Variants in RFX3 observed in about 807,000 individuals in gnomAD.
RFX3 encodes the protein regulatory factor X3.
A neutral mutation model predicts 98.6 loss-of-function variants in RFX3; 14 were observed. The ratio of observed to expected loss-of-function variants is 0.14; its 90% CI spans 0.09 to 0.22. The LOEUF is 0.22. RFX3 is among the 10% of genes least tolerant of loss of function. The pLI, the probability that RFX3 is intolerant of heterozygous loss-of-function variation, is 1.00. For synonymous variants in RFX3, 383 were observed against 328.4 expected (o/e 1.17, Z -1.80); for missense variants, 639 against 926.9 (o/e 0.69, Z 4.03).
chr9:3,491,462 G>C (rs1375589920), intron 1 of RFX3, among the ~76,000 whole-genome samples: 2 of 151,946 alleles, frequency 1.3e-5, no homozygotes, highest in African/African-American at 4.8e-5. Context: ...TAACAATTTT[G>C]AGCAACATGA....
intron 1 of RFX3, among the ~76,000 whole-genome samples, chr9:3,511,759 C>A (rs1817683273): frequency 6.6e-6 from 1 of 152,000 alleles, no homozygotes; most frequent in South Asian, 2.1e-4. Flanking sequence ...CAAATATGGG[C>A]TACTGTCCCT....
At position 3,366,712 on chromosome 9, in the gene RFX3, T is replaced by TTCTTTCTTTCTC. The variant is rs1837207676; in HGVS notation, c.118-19949_118-19948insGAGAAAGAAAGA. Among the ~76,000 whole-genome samples, 4 of 134,580 alleles carry TTCTTTCTTTCTC rather than the reference T, an allele frequency of 3.0e-5. No homozygotes were observed. In the Admixed American group the frequency reaches 3.0e-4, roughly 10 times the overall value. The allele number at this position is 134,580 out of a possible 152,430, so 88.3% of individuals were successfully genotyped here. On this transcript the variant is annotated intron_variant, in intron 2 of 16. Coordinates refer to ENST00000617270, the MANE Select transcript of RFX3 (RefSeq NM_001282116.2). ...TTCTTTCCTTTCTTTCTTTCTTTCT[T>TTCTTTCTTTCTC]TCTTTCTTTCTTTCTTTCTTTCTTT...
At chr9:3,237,769 G>C (rs1819359604) in intron 15 of RFX3, among the ~76,000 whole-genome samples, 1 of 152,202 alleles carries the variant, frequency 6.6e-6, no homozygotes, top group African/African-American at 2.4e-5. Flanking sequence ...AGGGTGCAAA[G>C]ATATTAAATG....
intron 1 of RFX3, among the ~76,000 whole-genome samples, chr9:3,504,327 AAT>A (rs1221925252): frequency 8.5e-6 from 1 of 117,776 alleles, no homozygotes; most frequent in Non-Finnish European, 1.6e-5. Context: ...TTATATATAA[AAT>A]ATATATTATA....
intron 15 of RFX3, among the ~76,000 whole-genome samples, chr9:3,240,742 C>A (rs112343750): frequency 7.3e-4 from 111 of 152,210 alleles, no homozygotes; most frequent in African/African-American, 2.5e-3. Context: ...ATTTATTTAT[C>A]AGGGGGGCCA....
In RFX3 at chr9:3,248,172, G is replaced by A. The variant is rs1481334707; in HGVS notation, c.1828C>T (p.Arg610Trp). 6.2e-7 allele frequency: 1 copy of A among 1,608,748 alleles called. No individual in the cohort carries two copies. Among genetic ancestry groups the A allele is most frequent in the Non-Finnish European group, 8.5e-7 (1 of 1,176,840 alleles). The change falls in exon 15 of 17, where the codon CGG (arginine) becomes TGG (tryptophan). Residue 610 changes from arginine (R) to tryptophan (W), a missense_variant. Arg to Trp is a moderately radical substitution (Grantham distance 101). This residue lies in a region of RFX3 where 138 missense variants were observed against 308.9 expected (regional missense o/e 0.45). Coordinates refer to ENST00000617270, the MANE Select transcript of RFX3 (RefSeq NM_001282116.2). ...GCAGCACTGCGTAAGGTTAAGTCCCGAATAACCATTGAGCTGTTCCAAGAG... is the reference window on the plus strand; with the variant it reads ...GCAGCACTGCGTAAGGTTAAGTCCCAAATAACCATTGAGCTGTTCCAAGAG... ...KWSFYSSMVIRDLTLRSAASF... is the reference protein window; with the variant it reads ...KWSFYSSMVIWDLTLRSAASF...
intron 4 of RFX3, among the ~76,000 whole-genome samples, chr9:3,325,460 A>T (rs1343587984): frequency 6.6e-6 from 1 of 152,074 alleles, no homozygotes; most frequent in African/African-American, 2.4e-5. Context: ...TAATTTCAAG[A>T]TATTTTTCTT....
chr9:3,444,031 T>C (rs1845828714), intron 1 of RFX3, among the ~76,000 whole-genome samples: 1 of 152,152 alleles, frequency 6.6e-6, no homozygotes, highest in East Asian at 1.9e-4. Context: ...AAAATTGAAA[T>C]ACATACCTAC....
intron 2 of RFX3, among the ~76,000 whole-genome samples, chr9:3,346,976 C>T (rs2991322): frequency 0.32 from 49,008 of 151,808 alleles, 11,538 homozygotes; most frequent in African/African-American, 0.67. Flanking sequence ...TCTGTAACTT[C>T]CCTGCAGGTA....
intron 1 of RFX3, among the ~76,000 whole-genome samples, chr9:3,446,492 G>C (rs1846064549): frequency 1.3e-5 from 2 of 152,120 alleles, no homozygotes; most frequent in Non-Finnish European, 2.9e-5. Context: ...AAGAAAGCCA[G>C]AGGAATAACC....
chr9:3,371,158 A>G (rs1463061048), intron 2 of RFX3, among the ~76,000 whole-genome samples: 2 of 152,172 alleles, frequency 1.3e-5, no homozygotes, highest in East Asian at 1.9e-4. Context: ...AGTTCTCTAA[A>G]CACCAGGGTT....
At chr9:3,323,521 G>C (rs1831542430) in intron 4 of RFX3, among the ~76,000 whole-genome samples, 2 of 151,974 alleles carry the variant, frequency 1.3e-5, no homozygotes. Context: ...GTAAATCTAA[G>C]GAAGGATCAA....
At chr9:3,338,811 C>G (rs946640354) in intron 3 of RFX3, among the ~76,000 whole-genome samples, 5 of 152,174 alleles carry the variant, frequency 3.3e-5, no homozygotes, top group African/African-American at 1.2e-4. Flanking sequence ...TATTCTAGGC[C>G]AGGCACGGTG....
intron 1 of RFX3, among the ~76,000 whole-genome samples, chr9:3,448,050 T>C (rs1846205316): frequency 6.6e-6 from 1 of 152,066 alleles, no homozygotes; most frequent in African/African-American, 2.4e-5. Context: ...TGGCCAGCAA[T>C]AAAGCAAGAA....
intron 2 of RFX3, among the ~76,000 whole-genome samples, chr9:3,370,450 T>C (rs1790272309): frequency 1.3e-5 from 2 of 151,642 alleles, no homozygotes; most frequent in African/African-American, 4.8e-5. Context: ...TCAAATCTTC[T>C]ATGAAGTACA....
chr9:3,524,551 G>A (rs2133961383), intron 1 of RFX3: 2 of 967,582 alleles, frequency 2.1e-6, no homozygotes, highest in African/African-American at 3.5e-5. Flanking sequence ...GGAAAATGAG[G>A]AGATTAAAAA....
intron 3 of RFX3, among the ~76,000 whole-genome samples, chr9:3,332,700 C>G (rs1482024066): frequency 1.3e-5 from 2 of 152,158 alleles, no homozygotes; most frequent in Non-Finnish European, 2.9e-5. Context: ...GGGGGTCGTG[C>G]CTACATAATC....
chr9:3,420,013 T>C (rs1388314717), intron 1 of RFX3, among the ~76,000 whole-genome samples: 1 of 152,194 alleles, frequency 6.6e-6, no homozygotes, highest in Non-Finnish European at 1.5e-5. Flanking sequence ...AGGCAGTTTG[T>C]CATCGTCGCA....
chr9:3,235,537 G>A (rs631914), intron 15 of RFX3, among the ~76,000 whole-genome samples: 1 of 152,004 alleles, frequency 6.6e-6, no homozygotes, highest in Non-Finnish European at 1.5e-5. Context: ...GAGGTCAGAA[G>A]TTCTAAATGG....
Sources: gnomAD v4.1 joint callset for allele counts (sites outside exome capture counted in the v4.1 genomes callset) on GRCh38, gnomAD v4.1.1 for gene constraint, gnomAD v4.1.1 regional missense constraint, MANE v1.5 for transcripts, NCBI Gene and HGNC (gene_info 2026-07-23, HGNC 2026-07-21) for gene names.